Variants in BANP observed in about 807,000 individuals in gnomAD.
BANP encodes the protein BTG3 associated nuclear protein, also known as protein BANP.
A neutral mutation model predicts 68.1 loss-of-function variants in BANP; 11 were observed. The observed-to-expected ratio is 0.16, with a 90% CI of 0.10 to 0.27. The LOEUF (loss-of-function observed/expected upper bound fraction) is 0.27, where lower values mean the gene tolerates loss of function less well. BANP is among the 10% of genes least tolerant of loss of function. BANP has a pLI of 1.00. For synonymous variants in BANP, 329 were observed against 303.2 expected (o/e 1.09, Z -0.88); for missense variants, 504 against 722.7 (o/e 0.70, Z 3.47).
chr16:88,069,672 T>C (rs1393961974), intron 12 of BANP, among the ~76,000 whole-genome samples: 2 of 152,208 alleles, frequency 1.3e-5, no homozygotes, highest in East Asian at 3.8e-4. Flanking sequence ...AAATGGCACC[T>C]GCACCCCAGG....
At chr16:88,035,144 A>C (rs1038109878) in intron 9 of BANP, 179 bp from the exon 10 acceptor site, 6 of 633,026 alleles carry the variant, frequency 9.5e-6, no homozygotes, top group African/African-American at 9.3e-5. Flanking sequence ...GAGGGGGACT[A>C]CTGTGAACCA....
intron 7 of BANP, among the ~76,000 whole-genome samples, chr16:88,019,493 CAG>C (rs1179901149): frequency 1.4e-5 from 2 of 147,048 alleles, no homozygotes; most frequent in East Asian, 2.0e-4. Context: ...GATCTCGAAA[CAG>C]GGCGAGCGAG....
chr16:88,069,634 C>T (rs985506114), intron 12 of BANP, among the ~76,000 whole-genome samples: 2 of 152,218 alleles, frequency 1.3e-5, no homozygotes, highest in Non-Finnish European at 2.9e-5. Context: ...TGCTCCTAAC[C>T]CCACCCAGGT....
chr16:88,070,651 C>T (rs539269834), intron 12 of BANP, among the ~76,000 whole-genome samples: 138 of 152,296 alleles, frequency 9.1e-4, no homozygotes, highest in African/African-American at 3.2e-3. Context: ...CTGCTCACCA[C>T]GGCCCTTGGG....
intron 4 of BANP, among the ~76,000 whole-genome samples, chr16:87,995,051 C>T (rs925207827): frequency 6.6e-6 from 1 of 152,012 alleles, no homozygotes; most frequent in African/African-American, 2.4e-5. Context: ...GGTCCTCAGT[C>T]TGGGAAGGGG....
intron 11 of BANP, among the ~76,000 whole-genome samples, chr16:88,050,331 T>C (rs1425968330): frequency 2.0e-5 from 3 of 152,038 alleles, no homozygotes; most frequent in Admixed American, 6.5e-5. Flanking sequence ...GATTTTTGTA[T>C]TTTTTTGTAG....
intron 4 of BANP, among the ~76,000 whole-genome samples, chr16:87,996,780 C>G (rs1268769014): frequency 6.6e-6 from 1 of 152,246 alleles, no homozygotes; most frequent in Non-Finnish European, 1.5e-5. Context: ...CATAGGTTTT[C>G]AAGGCTCTGC....
chr16:88,043,464 C>T (rs1253868336), intron 11 of BANP, among the ~76,000 whole-genome samples: 1 of 152,254 alleles, frequency 6.6e-6, no homozygotes, highest in Non-Finnish European at 1.5e-5. Flanking sequence ...TTTTCCTTTA[C>T]TGCACAATCC....
At chr16:87,962,161 A>G (rs1332240319) in intron 1 of BANP, among the ~76,000 whole-genome samples, 1 of 143,638 alleles carries the variant, frequency 7.0e-6, no homozygotes, top group African/African-American at 2.6e-5. Flanking sequence ...AATCACTTGA[A>G]CCCGGGAGGT....
intron 4 of BANP, among the ~76,000 whole-genome samples, chr16:87,987,110 G>A (rs761942632): frequency 4.0e-5 from 6 of 151,620 alleles, no homozygotes; most frequent in Non-Finnish European, 7.4e-5. Flanking sequence ...TTGAGACTCC[G>A]CTCGGCCACC....
intron 12 of BANP, among the ~76,000 whole-genome samples, chr16:88,070,481 G>T (rs1013663731): frequency 6.6e-6 from 1 of 152,168 alleles, no homozygotes; most frequent in African/African-American, 2.4e-5. Context: ...AAGGTCGACC[G>T]CTCCTTAGGT....
intron 4 of BANP, among the ~76,000 whole-genome samples, chr16:88,001,851 GA>G (rs1427709015): frequency 6.7e-6 from 1 of 149,896 alleles, no homozygotes; most frequent in East Asian, 2.0e-4. Flanking sequence ...ATTTGCAACA[GA>G]AATAGGGATG....
intron 11 of BANP, among the ~76,000 whole-genome samples, chr16:88,056,395 CTT>C (rs2085024136): frequency 6.6e-6 from 1 of 151,786 alleles, no homozygotes; most frequent in South Asian, 2.1e-4. Context: ...GTAGAAGAAT[CTT>C]TAAGTCAGGC....
intron 11 of BANP, among the ~76,000 whole-genome samples, chr16:88,043,410 C>G (rs1331531330): frequency 6.6e-6 from 1 of 152,178 alleles, no homozygotes; most frequent in African/African-American, 2.4e-5. Flanking sequence ...GTGCTGATTT[C>G]TTTTGTCCCT....
intron 8 of BANP, among the ~76,000 whole-genome samples, chr16:88,028,127 C>T (rs1392260331): frequency 6.6e-6 from 1 of 152,222 alleles, no homozygotes; most frequent in Non-Finnish European, 1.5e-5. Flanking sequence ...GATTGTTCTC[C>T]TTGGAGAATT....
intron 7 of BANP, 76 bp from the exon 8 acceptor site, chr16:88,027,407 C>G (rs1169111657): frequency 1.3e-6 from 2 of 1,557,286 alleles, no homozygotes; most frequent in African/African-American, 1.4e-5. Flanking sequence ...CAGCGGGCCC[C>G]GGCCCTGCAG....
intron 4 of BANP, among the ~76,000 whole-genome samples, chr16:87,998,712 C>G (rs1297589401): frequency 6.7e-6 from 1 of 148,974 alleles, no homozygotes; most frequent in Non-Finnish European, 1.5e-5. Flanking sequence ...CCAGACGTGT[C>G]TCCATGCACG....
At chr16:87,984,655 T>C (rs2063939657) in intron 4 of BANP, among the ~76,000 whole-genome samples, 1 of 152,270 alleles carries the variant, frequency 6.6e-6, no homozygotes, top group Admixed American at 6.5e-5. Context: ...CATTCAAGTC[T>C]GCAGTTTTTA....
At chr16:88,025,094 C>T (rs536254470) in intron 7 of BANP, among the ~76,000 whole-genome samples, 1 of 152,142 alleles carries the variant, frequency 6.6e-6, no homozygotes, top group Admixed American at 6.5e-5. Flanking sequence ...TTTATCGACT[C>T]GTGCTCCAAA....
Sources: gnomAD v4.1 joint callset for allele counts (sites outside exome capture counted in the v4.1 genomes callset) on GRCh38, gnomAD v4.1.1 for gene constraint, MANE v1.5 for transcripts, NCBI Gene and HGNC (gene_info 2026-07-23, HGNC 2026-07-21) for gene names.